Variants in AP1B1 observed in about 807,000 individuals in gnomAD.
AP1B1 encodes the protein AP-1 complex subunit beta-1.
Under a neutral mutation model 104.3 loss-of-function variants are expected in AP1B1, and 36 were observed. The observed-to-expected ratio is 0.35, with a 90% confidence interval of 0.26 to 0.46. The LOEUF is 0.46. Ranked by LOEUF, AP1B1 falls within the 20% of genes least tolerant of loss-of-function variation. The probability of loss-of-function intolerance (pLI) is 1.00; values close to 1 mark genes in which losing one functional copy is unlikely to be tolerated. For missense variants in AP1B1, 901 were observed against 1,247.9 expected (o/e 0.72, Z 4.19); for synonymous variants, 504 against 517.5 (o/e 0.97, Z 0.35).
At position 29,350,164 on chromosome 22, in the gene AP1B1, G is replaced by A. The variant is rs776466886; in HGVS notation, c.1156-14C>T. On this transcript the variant is annotated splice_polypyrimidine_tract_variant and intron_variant, in intron 9 of 22. Coordinates refer to ENST00000357586, the MANE Select transcript of AP1B1 (RefSeq NM_001127.4). ...CTCCGCAGATTGCTGCATGGGAAGA[G>A]AAGAGTGTGGGCGAGGTCCCCGCAC... 2 of 1,610,926 alleles carry A rather than the reference G, an allele frequency of 1.2e-6. No individual in the cohort carries two copies. Among genetic ancestry groups the A allele is most frequent in the South Asian group, 2.2e-5 (2 of 91,018 alleles).
At chr22:29,351,976 G>T in intron 7 of AP1B1, 151 bp from the exon 8 acceptor site, 1 of 1,083,716 alleles carries the variant, frequency 9.2e-7, no homozygotes. Flanking sequence ...CAAGCTCCTG[G>T]GTAGAGGGCC....
rs753424896 is a variant in AP1B1, at chr22:29,339,021, G to C, written c.2132C>G (p.Thr711Ser). The C allele has an allele frequency of 1.9e-6, 3 of 1,614,146 alleles. No homozygotes were observed. Among genetic ancestry groups the C allele is most frequent in the South Asian group, 2.2e-5 (2 of 91,084 alleles). The change falls in exon 16 of 23, where the codon ACC becomes AGC. Residue 711 changes from threonine (T) to serine (S), a missense_variant. Physicochemically the swap from Thr to Ser is moderately conservative, Grantham distance 58. This residue lies in a region of AP1B1 where 424 missense variants were observed against 494.0 expected (regional missense o/e 0.86). Transcript: ENST00000357586. ...DLFDLTSGVG[T>S]LSGSYVAPKA... ...GGGGGCCACATATGATCCTGACAGG[G>C]TGCCCACGCCACTGGTCAGGTCAAA...
Position 29,362,627 on chromosome 22 carries a change from G to A in AP1B1, c.143+374C>T, listed in dbSNP as rs143927964. 7.5e-3 allele frequency among the ~76,000 whole-genome samples: 1,138 copies of A among 152,290 alleles called. 14 individuals carry two copies. The highest frequency in any genetic ancestry group is 0.026 in the African/African-American group (1,090 of 41,554). On this transcript the variant is annotated intron_variant, in intron 3 of 22. Coordinates refer to ENST00000357586, the MANE Select transcript of AP1B1 (RefSeq NM_001127.4). ...CCCCAAGTGCTAGGATTACAGGCGT[G>A]AGCCACCGCGCCTGGCCCAGATTTC...
chr22:29,344,710 G>A (rs1452431540), intron 11 of AP1B1, among the ~76,000 whole-genome samples: 2 of 151,532 alleles, frequency 1.3e-5, no homozygotes, highest in Admixed American at 6.6e-5. Flanking sequence ...TTTTTAGATG[G>A]GTTTCACCAT....
chr22:29,338,852 G>C, intron 16 of AP1B1, 138 bp downstream of exon 16: 1 of 1,251,154 alleles, frequency 8.0e-7, no homozygotes, highest in South Asian at 1.5e-5. Context: ...CCTCTTCCTC[G>C]GTGCCCCTGT....
chr22:29,351,133 T>G, intron 9 of AP1B1, 38 bp downstream of exon 9: 1 of 1,572,024 alleles, frequency 6.4e-7, no homozygotes, highest in Non-Finnish European at 8.7e-7. Context: ...CAGCCCCCTT[T>G]TCCTTCTCCA....
Position 29,364,771 on chromosome 22 carries a change from C to T in AP1B1, c.38-1665G>A, listed in dbSNP as rs190587509. Among the ~76,000 whole-genome samples, 31 of 151,454 alleles carry T rather than the reference C, an allele frequency of 2.0e-4. No individual in the cohort carries two copies. The East Asian group carries it at 4.7e-3, about 23-fold the overall frequency. On this transcript the variant is annotated intron_variant, in intron 2 of 22. Transcript: ENST00000357586. ...TCACCCAGGCTGGAGTGCAGCGGTG[C>T]GATCTCGGCTCACCGCAACTTCCGC...
At position 29,339,026 on chromosome 22, in the gene AP1B1, C is replaced by T. The variant is rs1382111849; in HGVS notation, c.2127G>A (p.Val709=). The T allele has an allele frequency of 2.5e-6, 4 of 1,614,174 alleles. No individual in the cohort carries two copies. The South Asian group carries it at 3.3e-5, about 13-fold the overall frequency. The change falls in exon 16 of 23, where the codon GTG becomes GTA. Residue 709 remains valine, a synonymous_variant. Transcript: ENST00000357586. The stretch of plus-strand genomic sequence containing the variant: ...CCACATATGATCCTGACAGGGTGCC[C>T]ACGCCACTGGTCAGGTCAAAGAGGT... ...LSDLFDLTSG[V]GTLSGSYVAP...
At chr22:29,351,957 C>CCTT in intron 7 of AP1B1, 132 bp from the exon 8 acceptor site, 1 of 1,238,358 alleles carries the variant, frequency 8.1e-7, no homozygotes. Context: ...AGAGTCACTG[C>CCTT]CATGGCTGCA....
intron 16 of AP1B1, among the ~76,000 whole-genome samples, chr22:29,335,091 G>T (rs1424066821): frequency 6.6e-6 from 1 of 152,192 alleles, no homozygotes; most frequent in Non-Finnish European, 1.5e-5. Context: ...TACTCAGAGA[G>T]CTCGCTGAGG....
intron 20 of AP1B1, 32 bp from the exon 21 acceptor site, chr22:29,330,564 G>T (rs370887160): frequency 6.2e-7 from 1 of 1,610,620 alleles, no homozygotes; most frequent in East Asian, 2.2e-5. Flanking sequence ...AGAGGCCCCA[G>T]TCAGCGCGGG....
At chr22:29,364,374 G>C (rs1217166891) in intron 2 of AP1B1, among the ~76,000 whole-genome samples, 1 of 152,222 alleles carries the variant, frequency 6.6e-6, no homozygotes, top group East Asian at 1.9e-4. Flanking sequence ...TCAGGACCCT[G>C]ATAACAGGTT....
rs1334425951 is a variant in AP1B1, at chr22:29,357,066, TTTG to T, written c.526-453_526-451del. ...ACTAGGAAGGTGTTTTTTTTTGTTTTTTGTTTTTTTTTTTTGAGATGGAGTTGT... is the reference window on the plus strand; with the variant it reads ...ACTAGGAAGGTGTTTTTTTTTGTTTTTTTTTTTTTTTTGAGATGGAGTTGT... On this transcript the variant is annotated intron_variant, in intron 5 of 22. Transcript: ENST00000357586. Among the ~76,000 whole-genome samples, 127 of 67,968 alleles carry T rather than the reference TTTG, an allele frequency of 1.9e-3. 2 individuals carry two copies. Among genetic ancestry groups the T allele is most frequent in the South Asian group, 3.4e-3 (6 of 1,770 alleles). The allele number at this position is 67,968 out of a possible 152,430, so 44.6% of individuals were successfully genotyped here. A position where few individuals can be genotyped will look rare whatever the true frequency, so the allele number is the denominator to read the frequency against.
chr22:29,338,582 G>C (rs2061669968), intron 16 of AP1B1, among the ~76,000 whole-genome samples: 1 of 152,190 alleles, frequency 6.6e-6, no homozygotes, highest in South Asian at 2.1e-4. Flanking sequence ...CCCACCAATT[G>C]CATTTAAGGA....
intron 22 of AP1B1, 93 bp downstream of exon 22, chr22:29,329,619 G>A (rs2061526788): frequency 2.5e-6 from 4 of 1,585,560 alleles, no homozygotes; most frequent in South Asian, 1.2e-5. Context: ...GCCAAGAGAT[G>A]AGGTGCAGAC....
In AP1B1 at chr22:29,351,833, T is replaced by G. The variant is rs1055708882; in HGVS notation, c.939-8A>C. The G allele has an allele frequency of 3.1e-6, 5 of 1,613,884 alleles. No individual in the cohort carries two copies. Among genetic ancestry groups the G allele is most frequent in the Non-Finnish European group, 4.2e-6 (5 of 1,179,954 alleles). On this transcript the variant is annotated splice_region_variant and splice_polypyrimidine_tract_variant and intron_variant, in intron 7 of 22. Coordinates refer to ENST00000357586, the MANE Select transcript of AP1B1 (RefSeq NM_001127.4). ...TGCTTCAGGATCTCAGGCCTGGTGGTGGGGCAGGATGCCCGGAGAGCAAAA... is the reference window on the plus strand; with the variant it reads ...TGCTTCAGGATCTCAGGCCTGGTGGGGGGGCAGGATGCCCGGAGAGCAAAA...
chr22:29,340,559 C>T, intron 14 of AP1B1, 97 bp downstream of exon 14: 3 of 1,255,890 alleles, frequency 2.4e-6, no homozygotes, highest in Non-Finnish European at 3.3e-6. Context: ...TATAATGTAC[C>T]TGAGGCACTC....
At chr22:29,350,730 G>A (rs1477150923) in intron 9 of AP1B1, among the ~76,000 whole-genome samples, 1 of 152,182 alleles carries the variant, frequency 6.6e-6, no homozygotes, top group Non-Finnish European at 1.5e-5. Context: ...CACAGACAGA[G>A]AAAGGACGGG....
Position 29,351,361 on chromosome 22 carries a change from G to T in AP1B1, c.1060-95C>A, listed in dbSNP as rs556951764. The T allele has an allele frequency of 3.1e-5, 42 of 1,360,440 alleles. No homozygotes were observed. The African/African-American group carries it at 5.0e-4, about 16-fold the overall frequency. 84.3% of individuals were successfully genotyped at this position (1,360,440 alleles called of 1,614,324 possible). A position where few individuals can be genotyped will look rare whatever the true frequency, so the allele number is the denominator to read the frequency against. On this transcript the variant is annotated intron_variant, in intron 8 of 22. Transcript: ENST00000357586. ...GTGAATATACACAGACTCCCTAGGA[G>T]AATGGGATTCTGCCTCCTGCTCCAG...
Sources: allele counts gnomAD v4.1 joint callset (sites outside exome capture counted in the v4.1 genomes callset), GRCh38; gene constraint gnomAD v4.1.1; regional missense constraint gnomAD v4.1.1; transcripts MANE v1.5; gene names NCBI Gene and HGNC (gene_info 2026-07-23, HGNC 2026-07-21).